The following ICA1 variants were observed in gnomAD, a reference collection of about 807,000 sequenced individuals.
ICA1 encodes islet cell autoantigen 1.
Under a neutral mutation model 71.0 loss-of-function variants are expected in ICA1, and 40 were observed. The ratio of observed to expected loss-of-function variants is 0.56; its 90% CI spans 0.44 to 0.73. The LOEUF is 0.73. Ranked by LOEUF, ICA1 falls within the 30% of genes least tolerant of loss-of-function variation. The pLI is 0.00. For missense variants in ICA1, 578 were observed against 576.5 expected (o/e 1.00, Z -0.03); for synonymous variants, 207 against 209.5 (o/e 0.99, Z 0.10).
Position 8,191,600 on chromosome 7 carries a change from A to T in ICA1, c.579+26705T>A, listed in dbSNP as rs907209518. Among the ~76,000 whole-genome samples, 17 of 152,258 alleles carry T rather than the reference A, an allele frequency of 1.1e-4. 1 individual carries two copies. Among genetic ancestry groups the T allele is most frequent in the South Asian group, 8.3e-4 (4 of 4,814 alleles). On this transcript the variant is annotated intron_variant, in intron 6 of 13. Coordinates refer to ENST00000402384, the MANE Select transcript of ICA1 (RefSeq NM_001136020.3). ...TTGGTAGGTTTGGTGTATTAAATGC[A>T]TTTCCGATTAGGATATTTTCAACTT... is the stretch of plus-strand genomic sequence containing the variant.
At chr7:8,240,440 A>G (rs750476677) in intron 1 of ICA1, among the ~76,000 whole-genome samples, 2 of 152,182 alleles carry the variant, frequency 1.3e-5, no homozygotes, top group Non-Finnish European at 2.9e-5. Context: ...CCAAGGGTAG[A>G]TAAAACCAGA....
Position 8,158,539 on chromosome 7 carries a change from T to C in ICA1, c.693A>G (p.Leu231=), listed in dbSNP as rs1465548157. The C allele has an allele frequency of 3.1e-6, 5 of 1,614,104 alleles. No homozygotes were observed. Among genetic ancestry groups the C allele is most frequent in the Non-Finnish European group, 4.2e-6 (5 of 1,179,968 alleles). Residue 231 remains leucine, a synonymous_variant, in exon 7 of 14, where the codon CTA becomes CTG. Transcript: ENST00000402384. ...ATTATTTTGTTACCTGGTATGTTGC[T>C]AGCATGTGAGACAAGAGATTGCATC... ...ASRCNLLSHM[L]ATYQTTLLHF... is the part of the protein sequence containing the mutation.
At position 8,240,333 on chromosome 7, in the gene ICA1, T is replaced by G. The variant is rs562682362; in HGVS notation, c.-79-4328A>C. On this transcript the variant is annotated intron_variant, in intron 1 of 13. Coordinates refer to ENST00000402384, the MANE Select transcript of ICA1 (RefSeq NM_001136020.3). ...AACCTGCAGCTGAGGGACCTGACTG[T>G]TAGAAGGAAAACTAACAAACAGAAA... Among the ~76,000 whole-genome samples, 23 of 152,196 alleles carry G rather than the reference T, an allele frequency of 1.5e-4. No individual in the cohort carries two copies. The South Asian group carries it at 4.4e-3, about 29-fold the overall frequency.
At position 8,133,381 on chromosome 7, in the gene ICA1, T is replaced by C. The variant is rs76128210; in HGVS notation, c.1061-5239A>G. Among the ~76,000 whole-genome samples the C allele has an allele frequency of 6.9e-3, 1,057 of 152,292 alleles. 11 individuals are homozygous for C. The highest frequency in any genetic ancestry group is 0.024 in the African/African-American group (990 of 41,544). Reference sequence around the variant, plus strand: ...GCAACCATAGCACTCCAGGCTTGAATGCCTTCTGAGTAGCTGGGACTACAG... The same window carrying C: ...GCAACCATAGCACTCCAGGCTTGAACGCCTTCTGAGTAGCTGGGACTACAG... On this transcript the variant is annotated intron_variant, in intron 12 of 13. Transcript: ENST00000402384.
intron 13 of ICA1, among the ~76,000 whole-genome samples, chr7:8,125,530 A>G (rs1186668183): frequency 6.6e-6 from 1 of 152,208 alleles, no homozygotes; most frequent in African/African-American, 2.4e-5. Context: ...GAGAGCCCCA[A>G]CACTCCATTA....
chr7:8,220,779 C>T (rs549637820), intron 5 of ICA1, among the ~76,000 whole-genome samples: 1 of 152,210 alleles, frequency 6.6e-6, no homozygotes, highest in Admixed American at 6.5e-5. Context: ...GGGGTAGGGC[C>T]TACATTCTGC....
chr7:8,165,878 C>A (rs1805752172), intron 6 of ICA1, among the ~76,000 whole-genome samples: 1 of 152,152 alleles, frequency 6.6e-6, no homozygotes, highest in Non-Finnish European at 1.5e-5. Flanking sequence ...AGAGATGACA[C>A]AGATGGAAAA....
At chr7:8,176,082 A>C (rs369637928) in intron 6 of ICA1, among the ~76,000 whole-genome samples, 2 of 152,358 alleles carry the variant, frequency 1.3e-5, no homozygotes, top group East Asian at 3.9e-4. Context: ...CGTTCCTAAA[A>C]GCAAACAGCC....
intron 4 of ICA1, among the ~76,000 whole-genome samples, chr7:8,224,837 T>A (rs1199872128): frequency 6.6e-6 from 1 of 152,238 alleles, no homozygotes; most frequent in Non-Finnish European, 1.5e-5. Context: ...TGGTCAGATA[T>A]TTTGTAGAAT....
Position 8,128,283 on chromosome 7 carries a change from T to C in ICA1, c.1061-141A>G. The C allele has an allele frequency of 3.6e-6, 3 of 827,066 alleles. No homozygotes were observed. The South Asian group carries it at 5.4e-5, about 15-fold the overall frequency. 51.2% of individuals were successfully genotyped at this position (827,066 alleles called of 1,614,324 possible). A position where few individuals can be genotyped will look rare whatever the true frequency, so the allele number is the denominator to read the frequency against. ...TCATCAAAATATAAGTTCATCCTAT[T>C]ATTATAGCCTCTCTTAAGAGTTTAT... On this transcript the variant is annotated intron_variant, in intron 12 of 13. Transcript: ENST00000402384.
At chr7:8,135,579 C>A (rs1167550157) in intron 12 of ICA1, among the ~76,000 whole-genome samples, 1 of 152,128 alleles carries the variant, frequency 6.6e-6, no homozygotes, top group African/African-American at 2.4e-5. Context: ...CTGCAGGAGA[C>A]AATTCTGAGT....
intron 6 of ICA1, among the ~76,000 whole-genome samples, chr7:8,178,336 A>G (rs1781212655): frequency 6.6e-6 from 1 of 152,168 alleles, no homozygotes; most frequent in South Asian, 2.1e-4. Context: ...TTACCTCACA[A>G]GACACTTATC....
chr7:8,135,194 T>C (rs924303049), intron 12 of ICA1, among the ~76,000 whole-genome samples: 3 of 152,064 alleles, frequency 2.0e-5, no homozygotes, highest in Non-Finnish European at 4.4e-5. Flanking sequence ...GCCTGGCTAA[T>C]TTTTGGATTT....
chr7:8,175,146 G>A (rs951015008), intron 6 of ICA1, among the ~76,000 whole-genome samples: 1 of 151,844 alleles, frequency 6.6e-6, no homozygotes, highest in East Asian at 1.9e-4. Flanking sequence ...AGCGGGGAGG[G>A]GCACAGAGTG....
chr7:8,246,547 T>C (rs143223545), intron 1 of ICA1, among the ~76,000 whole-genome samples: 14 of 152,310 alleles, frequency 9.2e-5, no homozygotes, highest in Non-Finnish European at 1.6e-4. Context: ...TAGATTTTCC[T>C]AGACTGCACC....
At chr7:8,247,930 T>C (rs1432154130) in intron 1 of ICA1, among the ~76,000 whole-genome samples, 1 of 152,172 alleles carries the variant, frequency 6.6e-6, no homozygotes, top group Non-Finnish European at 1.5e-5. Context: ...ATTTGACCAG[T>C]TTTCAATACC....
chr7:8,129,019 A>T (rs2128072926), intron 12 of ICA1, among the ~76,000 whole-genome samples: 1 of 152,382 alleles, frequency 6.6e-6, no homozygotes, highest in East Asian at 1.9e-4. Flanking sequence ...TTGCCTTTCC[A>T]GAAGGAAGGC....
At chr7:8,210,456 A>T (rs1793270948) in intron 6 of ICA1, among the ~76,000 whole-genome samples, 1 of 152,372 alleles carries the variant, frequency 6.6e-6, no homozygotes, top group East Asian at 1.9e-4. Flanking sequence ...TTAAACTTAA[A>T]TATTTCTCAC....
chr7:8,174,384 A>AT (rs1029462739), intron 6 of ICA1, among the ~76,000 whole-genome samples: 4 of 152,066 alleles, frequency 2.6e-5, no homozygotes, highest in African/African-American at 7.2e-5. Flanking sequence ...TTATATATAC[A>AT]TTTTTTCTGT....
Sources: gnomAD v4.1 joint callset for allele counts (sites outside exome capture counted in the v4.1 genomes callset) on GRCh38, gnomAD v4.1.1 for gene constraint, MANE v1.5 for transcripts, NCBI Gene and HGNC (gene_info 2026-07-23, HGNC 2026-07-21) for gene names.